Variants in STX12 observed in about 807,000 individuals in gnomAD.
STX12 encodes syntaxin-12.
Under a neutral mutation model 42.2 loss-of-function variants are expected in STX12, and 17 were observed. The ratio of observed to expected loss-of-function variants is 0.40; its 90% confidence interval spans 0.28 to 0.60. The LOEUF (loss-of-function observed/expected upper bound fraction) is 0.60. STX12 is among the 20% of genes least tolerant of loss of function. The pLI is 0.39. For synonymous variants in STX12, 108 were observed against 116.7 expected (o/e 0.93, Z 0.48); for missense variants, 297 against 330.9 (o/e 0.90, Z 0.79).
At chr1:27,803,219 A>T (rs1375685927) in intron 4 of STX12, among the ~76,000 whole-genome samples, 1 of 152,236 alleles carries the variant, frequency 6.6e-6, no homozygotes, top group Non-Finnish European at 1.5e-5. Context: ...CTGCAGTTTC[A>T]AGAAGCCTAA....
At chr1:27,816,884 C>G (rs765847765) in intron 6 of STX12, among the ~76,000 whole-genome samples, 8 of 149,012 alleles carry the variant, frequency 5.4e-5, no homozygotes, top group African/African-American at 9.9e-5. Flanking sequence ...CCACTGCACT[C>G]CAGCCTGGGT....
At chr1:27,817,593 T>C (rs908637422) in intron 6 of STX12, among the ~76,000 whole-genome samples, 1 of 152,262 alleles carries the variant, frequency 6.6e-6, no homozygotes, top group African/African-American at 2.4e-5. Context: ...AGCCTTCTGC[T>C]GTACTGTTTG....
intron 6 of STX12, among the ~76,000 whole-genome samples, chr1:27,813,273 T>C (rs1295374157): frequency 2.0e-5 from 3 of 152,124 alleles, no homozygotes. Flanking sequence ...TCTCCTGGGT[T>C]CAAGTGATTC....
chr1:27,812,726 T>TCA (rs2088912448), intron 6 of STX12, among the ~76,000 whole-genome samples: 1 of 151,856 alleles, frequency 6.6e-6, no homozygotes. Flanking sequence ...CAGGCGTGAG[T>TCA]CACCGCTCCT....
intron 1 of STX12, among the ~76,000 whole-genome samples, chr1:27,774,989 G>A (rs967021201): frequency 6.6e-6 from 1 of 152,128 alleles, no homozygotes; most frequent in Non-Finnish European, 1.5e-5. Context: ...AGAATATGTG[G>A]CCTGTTAAAA....
rs552125083 is a variant in STX12 at position 27,779,971 on chromosome 1, A to G, written c.118+6546A>G. ...CACGCCCGGCTAATTTTGTATTTTT[A>G]GTAGACACAGGGTTTCTCCATGTTG... On this transcript the variant is annotated intron_variant, in intron 1 of 8. Coordinates refer to ENST00000373943, the MANE Select transcript of STX12 (RefSeq NM_177424.3). 9.9e-4 allele frequency among the ~76,000 whole-genome samples: 149 copies of G among 150,716 alleles called. 4 individuals carry two copies. Among genetic ancestry groups the G allele is most frequent in the South Asian group, 8.4e-4 (4 of 4,738 alleles).
intron 2 of STX12, among the ~76,000 whole-genome samples, chr1:27,790,755 A>T (rs2088734543): frequency 1.3e-5 from 2 of 151,994 alleles, no homozygotes; most frequent in South Asian, 4.1e-4. Flanking sequence ...CAGCCTGGCC[A>T]ACATGATGAA....
chr1:27,799,382 T>G (rs2088810647), intron 3 of STX12, among the ~76,000 whole-genome samples: 1 of 152,200 alleles, frequency 6.6e-6, no homozygotes, highest in South Asian at 2.1e-4. Context: ...CAGACTAATT[T>G]TTCTAAGTTA....
chr1:27,812,195 A>T lies in STX12; in HGVS notation c.503A>T (p.Glu168Val). ...GAGTGGAACCAGATGCAGAGCCAGG[A>T]GGATGAGGTGGCCATCACTGAGCAG... ...HEEWNQMQSQ[E>V]DEVAITEQDL... is the part of the protein sequence containing the mutation. Residue 168 changes from glutamate (E) to valine (V), a missense_variant, in exon 6 of 9, where the codon GAG becomes GTG. Transcript: ENST00000373943. 6.4e-7 allele frequency: 1 copy of T among 1,560,132 alleles called. No homozygotes were observed. The highest frequency in any genetic ancestry group is 8.7e-7 in the Non-Finnish European group (1 of 1,151,246).
intron 1 of STX12, among the ~76,000 whole-genome samples, chr1:27,783,661 T>C (rs2088682516): frequency 6.6e-6 from 1 of 152,082 alleles, no homozygotes; most frequent in South Asian, 2.1e-4. Flanking sequence ...AAGAACAAAA[T>C]TGCTTACACA....
intron 4 of STX12, among the ~76,000 whole-genome samples, chr1:27,807,566 A>C (rs1229757726): frequency 6.6e-6 from 1 of 152,242 alleles, no homozygotes; most frequent in Non-Finnish European, 1.5e-5. Flanking sequence ...GGGAGTTGTC[A>C]TTATGGATAT....
chr1:27,781,282 G>A (rs918520282), intron 1 of STX12, among the ~76,000 whole-genome samples: 3 of 152,042 alleles, frequency 2.0e-5, no homozygotes, highest in African/African-American at 4.8e-5. Flanking sequence ...GACGTCAGGC[G>A]ATTTGCCCAC....
At chr1:27,810,363 A>G (rs2088894599) in intron 5 of STX12, 74 bp downstream of exon 5, 1 of 1,411,364 alleles carries the variant, frequency 7.1e-7, no homozygotes, top group Non-Finnish European at 9.8e-7. Flanking sequence ...AATTTTAAAA[A>G]TCAATGAAAA....
At chr1:27,799,555 T>C (rs1418575158) in intron 3 of STX12, among the ~76,000 whole-genome samples, 2 of 150,714 alleles carry the variant, frequency 1.3e-5, no homozygotes, top group Non-Finnish European at 2.9e-5. Flanking sequence ...CGATCTCAGC[T>C]CACTGCAACC....
chr1:27,773,346 G>A lies in STX12; in HGVS notation c.39G>A (p.Gly13=), dbSNP rs1474617452. Residue 13 remains glycine (G), a synonymous_variant, in exon 1 of 9, where the codon GGG becomes GGA. Coordinates refer to ENST00000373943, the MANE Select transcript of STX12 (RefSeq NM_177424.3). The stretch of plus-strand genomic sequence containing the variant: ...CCTTAGACATGTACCGGAACCCGGG[G>A]CCCTCGGGGCCCCAGCTCCGGGACT... ...YGPLDMYRNP[G]PSGPQLRDFS... is the part of the protein sequence containing the mutation. The A allele has an allele frequency of 1.2e-6, 2 of 1,612,410 alleles. No individual in the cohort carries two copies. Among genetic ancestry groups the A allele is most frequent in the Non-Finnish European group, 1.7e-6 (2 of 1,179,082 alleles).
chr1:27,803,412 G>C (rs935984910), intron 4 of STX12, among the ~76,000 whole-genome samples: 2 of 152,204 alleles, frequency 1.3e-5, no homozygotes, highest in Non-Finnish European at 2.9e-5. Flanking sequence ...GTGCTATCTT[G>C]AATGTTGATG....
intron 1 of STX12, among the ~76,000 whole-genome samples, chr1:27,780,874 G>A (rs1231962512): frequency 6.6e-6 from 1 of 151,638 alleles, no homozygotes; most frequent in Non-Finnish European, 1.5e-5. Flanking sequence ...ATCGCTGATC[G>A]CTTGAGCCTG....
intron 2 of STX12, among the ~76,000 whole-genome samples, chr1:27,790,585 C>T (rs1336369787): frequency 6.6e-6 from 1 of 152,220 alleles, no homozygotes; most frequent in Non-Finnish European, 1.5e-5. Flanking sequence ...TCACCCAACC[C>T]AGAAGTCCAG....
In STX12 at chr1:27,792,214, C is replaced by G. The variant is rs1349843942; in HGVS notation, c.189-1319C>G. The stretch of plus-strand genomic sequence containing the variant: ...TATATGTATATACATATATATGTAT[C>G]TATATATATGTATATACATATATAT... On this transcript the variant is annotated intron_variant, in intron 2 of 8. Transcript: ENST00000373943. Among the ~76,000 whole-genome samples the G allele has an allele frequency of 6.3e-5, 7 of 111,368 alleles. 1 individual carries two copies. The South Asian group carries it at 1.7e-3, about 26-fold the overall frequency. 73.1% of individuals were successfully genotyped at this position (111,368 alleles called of 152,430 possible).
Sources: gnomAD v4.1 joint callset for allele counts (sites outside exome capture counted in the v4.1 genomes callset) on GRCh38, gnomAD v4.1.1 for gene constraint, MANE v1.5 for transcripts, NCBI Gene and HGNC (gene_info 2026-07-23, HGNC 2026-07-21) for gene names.